CSRNP3: variants seen among roughly 807,000 people sequenced by gnomAD.
CSRNP3 encodes cysteine/serine-rich nuclear protein 3.
Under a neutral mutation model 48.0 loss-of-function variants are expected in CSRNP3, and 12 were observed. That is an observed-to-expected ratio of 0.25 (90% CI 0.16 to 0.41). The LOEUF (loss-of-function observed/expected upper bound fraction) is 0.41. CSRNP3 is among the 10% of genes least tolerant of loss of function. The pLI is 1.00. For synonymous variants in CSRNP3, 263 were observed against 269.7 expected (o/e 0.98, Z 0.24); for missense variants, 580 against 724.4 (o/e 0.80, Z 2.29).
At chr2:165,544,816 T>C (rs1574830902) in intron 3 of CSRNP3, among the ~76,000 whole-genome samples, 1 of 152,114 alleles carries the variant, frequency 6.6e-6, no homozygotes, top group East Asian at 1.9e-4. Flanking sequence ...AGAGTCATCG[T>C]CATGAAAATG....
chr2:165,592,393 T>C lies in CSRNP3; in HGVS notation c.-23-2650T>C, dbSNP rs377545356. On this transcript the variant is annotated intron_variant, in intron 3 of 6. Coordinates refer to ENST00000651982, the MANE Select transcript of CSRNP3 (RefSeq NM_001172173.2). ...AGACGTTGGACTTCGACTTTTGGGT[T>C]AATGCTGGAATGAGCCTAGACCTTA... Among the ~76,000 whole-genome samples, 12 of 152,322 alleles carry C rather than the reference T, an allele frequency of 7.9e-5. No individual in the cohort carries two copies. The East Asian group carries it at 1.9e-3, about 25-fold the overall frequency.
chr2:165,657,671 A>G, intron 4 of CSRNP3, 90 bp from the exon 5 acceptor site: 1 of 1,503,906 alleles, frequency 6.6e-7, no homozygotes. Flanking sequence ...TTGGCCACAG[A>G]TAGATTCAAG....
intron 1 of CSRNP3, among the ~76,000 whole-genome samples, chr2:165,484,097 G>C (rs1374812991): frequency 6.6e-6 from 1 of 151,918 alleles, no homozygotes; most frequent in Non-Finnish European, 1.5e-5. Flanking sequence ...ATTCCCATTA[G>C]AGCTATTTTA....
chr2:165,520,624 G>A (rs1221607639), intron 3 of CSRNP3, among the ~76,000 whole-genome samples: 3 of 150,768 alleles, frequency 2.0e-5, no homozygotes, highest in Admixed American at 2.0e-4. Flanking sequence ...TAAAGGACAT[G>A]TGTCCAATAT....
At chr2:165,583,304 A>T (rs1367654453) in intron 3 of CSRNP3, among the ~76,000 whole-genome samples, 1 of 152,126 alleles carries the variant, frequency 6.6e-6, no homozygotes, top group African/African-American at 2.4e-5. Context: ...CTTTTTGCTT[A>T]CTCAGGGGTA....
At chr2:165,645,994 A>C (rs1440702848) in intron 4 of CSRNP3, among the ~76,000 whole-genome samples, 1 of 151,866 alleles carries the variant, frequency 6.6e-6, no homozygotes, top group East Asian at 1.9e-4. Flanking sequence ...ATCCACCTGC[A>C]TTGGCCTCCC....
intron 4 of CSRNP3, among the ~76,000 whole-genome samples, chr2:165,630,520 G>A (rs1356208402): frequency 2.0e-5 from 3 of 152,058 alleles, no homozygotes; most frequent in Non-Finnish European, 4.4e-5. Context: ...ACTCCTTGTC[G>A]GGACCCATGA....
chr2:165,473,283 A>G (rs1034305868), intron 1 of CSRNP3, among the ~76,000 whole-genome samples: 2 of 152,148 alleles, frequency 1.3e-5, no homozygotes, highest in Admixed American at 6.6e-5. Context: ...AATATACTAA[A>G]GAAAACAAAA....
intron 3 of CSRNP3, among the ~76,000 whole-genome samples, chr2:165,582,754 G>C (rs543637632): frequency 6.6e-6 from 1 of 152,236 alleles, no homozygotes; most frequent in South Asian, 2.1e-4. Context: ...ATAATAAATG[G>C]CATGCATTTC....
At chr2:165,556,792 A>G (rs1685165943) in intron 3 of CSRNP3, among the ~76,000 whole-genome samples, 1 of 152,200 alleles carries the variant, frequency 6.6e-6, no homozygotes, top group African/African-American at 2.4e-5. Context: ...GGGTGGAACA[A>G]TATCAATATA....
At chr2:165,540,568 C>T (rs539458562) in intron 3 of CSRNP3, among the ~76,000 whole-genome samples, 1 of 152,206 alleles carries the variant, frequency 6.6e-6, no homozygotes, top group East Asian at 1.9e-4. Flanking sequence ...CTTCTCTTCA[C>T]TATTCTCTGC....
chr2:165,544,104 A>C (rs543296395), intron 3 of CSRNP3, among the ~76,000 whole-genome samples: 57 of 152,214 alleles, frequency 3.7e-4, no homozygotes, highest in African/African-American at 1.4e-3. Context: ...GAATAAAATA[A>C]AACTGGAACT....
rs1687030351 is a variant in CSRNP3, at chr2:165,657,804, T to C, written c.192T>C (p.Asn64=). 4 of 1,613,992 alleles carry C rather than the reference T, an allele frequency of 2.5e-6. No individual in the cohort carries two copies. Among genetic ancestry groups the C allele is most frequent in the Non-Finnish European group, 3.4e-6 (4 of 1,179,998 alleles). Residue 64 remains asparagine, a synonymous_variant, in exon 5 of 7, where the codon AAT becomes AAC. Coordinates refer to ENST00000651982, the MANE Select transcript of CSRNP3 (RefSeq NM_001172173.2). ...GGGAGAAACGACTGAGGACAAAGAA[T>C]GTACATTTTAGTTGTGTCACCGTGT... The part of the protein sequence containing the change: ...LKREKRLRTK[N]VHFSCVTVYY...
At chr2:165,592,929 G>C (rs1239300076) in intron 3 of CSRNP3, among the ~76,000 whole-genome samples, 2 of 147,996 alleles carry the variant, frequency 1.4e-5, no homozygotes, top group Non-Finnish European at 3.0e-5. Context: ...AGCCTCCCAA[G>C]TAGCTGGGAC....
intron 1 of CSRNP3, among the ~76,000 whole-genome samples, chr2:165,483,766 G>C (rs1684078465): frequency 6.6e-6 from 1 of 152,164 alleles, no homozygotes. Flanking sequence ...GTGGCAGGAA[G>C]GCAAGGGATC....
rs144711438 is a variant in CSRNP3, at chr2:165,679,528, C to T, written c.1533C>T (p.Ser511=). 75 of 1,613,772 alleles carry T rather than the reference C, an allele frequency of 4.6e-5. No homozygotes were observed. Among genetic ancestry groups the T allele is most frequent in the South Asian group, 2.4e-4 (22 of 91,068 alleles). The part of the protein sequence containing the change: ...IVCCSSSEND[S]GVPCNSLYPE... ...GCTGCTCCTCTTCCGAAAATGATAGCGGTGTGCCCTGCAATAGTTTATATC... is the reference window on the plus strand; with the variant it reads ...GCTGCTCCTCTTCCGAAAATGATAGTGGTGTGCCCTGCAATAGTTTATATC... The change falls in exon 7 of 7, where the codon AGC becomes AGT. Residue 511 remains serine (S), a synonymous_variant. Coordinates refer to ENST00000651982, the MANE Select transcript of CSRNP3 (RefSeq NM_001172173.2).
intron 3 of CSRNP3, among the ~76,000 whole-genome samples, chr2:165,573,375 A>G (rs973073129): frequency 6.6e-6 from 1 of 152,226 alleles, no homozygotes; most frequent in Non-Finnish European, 1.5e-5. Context: ...TAAAATATGT[A>G]CACACATGAC....
At chr2:165,652,296 G>A (rs915081795) in intron 4 of CSRNP3, among the ~76,000 whole-genome samples, 9 of 151,814 alleles carry the variant, frequency 5.9e-5, no homozygotes, top group African/African-American at 7.2e-5. Context: ...CGGATCATGC[G>A]GTCAGGAGAT....
intron 3 of CSRNP3, among the ~76,000 whole-genome samples, chr2:165,563,807 T>C (rs1685264179): frequency 6.6e-6 from 1 of 152,152 alleles, no homozygotes; most frequent in South Asian, 2.1e-4. Context: ...TTAAATTTCA[T>C]GTGAAACTAC....
Sources: gnomAD v4.1 joint callset for allele counts (sites outside exome capture counted in the v4.1 genomes callset) on GRCh38, gnomAD v4.1.1 for gene constraint, MANE v1.5 for transcripts, NCBI Gene and HGNC (gene_info 2026-07-23, HGNC 2026-07-21) for gene names.